Variants in NPHP4 observed in about 807,000 individuals in gnomAD.
NPHP4 encodes nephrocystin-4.
In NPHP4, 151 loss-of-function variants were observed where a neutral mutation model predicts 155.8. That is an observed-to-expected ratio of 0.97 (90% CI 0.85 to 1.11). The LOEUF (loss-of-function observed/expected upper bound fraction) is 1.11. NPHP4 is among the 50% of genes least tolerant of loss of function. The pLI is 0.00. For synonymous variants in NPHP4, 845 were observed against 816.8 expected (o/e 1.03, Z -0.59); for missense variants, 1,956 against 1,925.7 (o/e 1.02, Z -0.29).
chr1:5,864,450 G>A lies in NPHP4; in HGVS notation c.3884C>T (p.Pro1295Leu). Residue 1295 changes from proline (P) to leucine (L), a missense_variant, in exon 28 of 30, where the codon CCC (proline) becomes CTC (leucine). Coordinates refer to ENST00000378156, the MANE Select transcript of NPHP4 (RefSeq NM_015102.5). ...GACAAAGCGGCTGCCGGCCCTAAGG[G>A]GCCTCACGCCAACATGCAGGTCCTG... is the stretch of plus-strand genomic sequence containing the variant. ...GVQDLHVGVR[P>L]LRAGSRFVHL... 1 of 1,606,502 alleles carries A rather than the reference G, an allele frequency of 6.2e-7. No homozygotes were observed. The highest frequency in any genetic ancestry group is 8.5e-7 in the Non-Finnish European group (1 of 1,176,964).
chr1:5,919,308 C>CT (rs1045871057), intron 11 of NPHP4, among the ~76,000 whole-genome samples: 32 of 152,116 alleles, frequency 2.1e-4, no homozygotes, highest in African/African-American at 7.5e-4. Flanking sequence ...TTTTTTAATA[C>CT]TTTTTTTGAA....
chr1:5,955,427 C>A (rs1449934957), intron 6 of NPHP4, among the ~76,000 whole-genome samples: 1 of 152,226 alleles, frequency 6.6e-6, no homozygotes, highest in African/African-American at 2.4e-5. Context: ...AAAGAGATAT[C>A]GCCACTCCCA....
intron 6 of NPHP4, among the ~76,000 whole-genome samples, chr1:5,958,691 T>C (rs1314117752): frequency 2.3e-5 from 3 of 129,944 alleles, no homozygotes; most frequent in African/African-American, 9.0e-5. Flanking sequence ...CAAGACTGTC[T>C]CAAAAAAAAA....
intron 3 of NPHP4, among the ~76,000 whole-genome samples, chr1:5,971,580 A>G (rs1652575773): frequency 6.6e-6 from 1 of 152,210 alleles, no homozygotes; most frequent in Non-Finnish European, 1.5e-5. Flanking sequence ...ACTGCGAGCA[A>G]CAGAGCCACA....
At chr1:5,926,465 AT>A (rs1031313418) in intron 11 of NPHP4, among the ~76,000 whole-genome samples, 13 of 151,766 alleles carry the variant, frequency 8.6e-5, no homozygotes, top group Admixed American at 2.6e-4. Flanking sequence ...GGCTGAAAAT[AT>A]TTTTTTTTAA....
chr1:5,891,578 G>A (rs187562255), intron 16 of NPHP4, among the ~76,000 whole-genome samples: 6 of 152,344 alleles, frequency 3.9e-5, no homozygotes, highest in East Asian at 3.9e-4. Context: ...ACTGGACTGC[G>A]GCCCCTGCCT....
At chr1:5,991,422 C>T (rs1442113700) in intron 1 of NPHP4, 1 of 152,290 alleles carries the variant, frequency 6.6e-6, no homozygotes, top group South Asian at 2.1e-4. Flanking sequence ...AGAAATACTC[C>T]TCCTTTTGCC....
chr1:5,958,190 T>C (rs146217079), intron 6 of NPHP4, among the ~76,000 whole-genome samples: 98 of 152,332 alleles, frequency 6.4e-4, no homozygotes, highest in South Asian at 3.9e-3. Context: ...CTTTAGCATA[T>C]TGTATAAAAG....
At chr1:5,895,271 A>G (rs1469129594) in intron 16 of NPHP4, among the ~76,000 whole-genome samples, 2 of 152,122 alleles carry the variant, frequency 1.3e-5, no homozygotes, top group African/African-American at 4.8e-5. Flanking sequence ...AACATGGCAC[A>G]TGTATACAAA....
rs1260179058 is a variant in NPHP4, at chr1:5,882,568, C to G, written c.2486-2329G>C. On this transcript the variant is annotated intron_variant, in intron 18 of 29. Coordinates refer to ENST00000378156, the MANE Select transcript of NPHP4 (RefSeq NM_015102.5). The surrounding 1 kb of genome is among the most constrained non-coding windows in gnomAD (Gnocchi z 5.1). ...CTACATCCCCATAAAGACGCAGCCT[C>G]CATGTCGCCCACATGCCCTACACTG... 1 of 153,118 alleles carries G rather than the reference C, an allele frequency of 6.5e-6. No homozygotes were observed. Among genetic ancestry groups the G allele is most frequent in the East Asian group, 1.9e-4 (1 of 5,202 alleles). 9.5% of individuals were successfully genotyped at this position (153,118 alleles called of 1,614,324 possible).
chr1:5,981,712 C>G (rs933986076), intron 2 of NPHP4, among the ~76,000 whole-genome samples: 1 of 152,190 alleles, frequency 6.6e-6, no homozygotes, highest in Non-Finnish European at 1.5e-5. Flanking sequence ...TATATGAATT[C>G]TATTTATCTT....
At chr1:5,878,215 C>A (rs553613427) in intron 19 of NPHP4, among the ~76,000 whole-genome samples, 7 of 152,214 alleles carry the variant, frequency 4.6e-5, no homozygotes, top group South Asian at 2.1e-4. Flanking sequence ...GGCATGGGCA[C>A]CCCCTGCAGA....
intron 11 of NPHP4, among the ~76,000 whole-genome samples, chr1:5,917,465 A>G (rs1345201258): frequency 2.0e-5 from 3 of 152,122 alleles, no homozygotes; most frequent in Non-Finnish European, 4.4e-5. Flanking sequence ...TCTTAATGGC[A>G]TCCTTTGAGT....
In NPHP4 at chr1:5,880,109, C is replaced by T; in HGVS notation, c.2611+5G>A. 1 of 1,613,746 alleles carries T rather than the reference C, an allele frequency of 6.2e-7. No homozygotes were observed. Among genetic ancestry groups the T allele is most frequent in the South Asian group, 1.1e-5 (1 of 90,994 alleles). ...CCACACATGGGCCCAACAGTGTAAACTCACGCCTTGAGCTTCCAGTCGTGA... is the reference window on the plus strand; with the variant it reads ...CCACACATGGGCCCAACAGTGTAAATTCACGCCTTGAGCTTCCAGTCGTGA... On this transcript the variant is annotated splice_donor_5th_base_variant and intron_variant, in intron 19 of 29. Coordinates refer to ENST00000378156, the MANE Select transcript of NPHP4 (RefSeq NM_015102.5).
chr1:5,939,935 G>A (rs1209842811), intron 9 of NPHP4, among the ~76,000 whole-genome samples: 1 of 152,174 alleles, frequency 6.6e-6, no homozygotes, highest in East Asian at 1.9e-4. Context: ...ACAGAAGGAG[G>A]GAAGAGGACA....
rs202056619 is a variant in NPHP4 at position 5,879,813 on chromosome 1, G to T, written c.2611+301C>A. On this transcript the variant is annotated intron_variant, in intron 19 of 29. Coordinates refer to ENST00000378156, the MANE Select transcript of NPHP4 (RefSeq NM_015102.5). ...CACACACGCAAACACACACACACACGCAAACACACACACACACGCAAACAC... is the reference window on the plus strand; with the variant it reads ...CACACACGCAAACACACACACACACTCAAACACACACACACACGCAAACAC... 9.8e-5 allele frequency among the ~76,000 whole-genome samples: 8 copies of T among 81,596 alleles called. No homozygotes were observed. In the East Asian group the frequency reaches 4.4e-3, roughly 45 times the overall value. 53.5% of individuals were successfully genotyped at this position (81,596 alleles called of 152,430 possible).
chr1:5,959,230 T>C (rs1007625977), intron 6 of NPHP4, among the ~76,000 whole-genome samples: 4 of 152,162 alleles, frequency 2.6e-5, no homozygotes, highest in Non-Finnish European at 4.4e-5. Context: ...GTCATTAATT[T>C]TGCAATGTTC....
At chr1:5,887,857 T>G (rs1643902849) in intron 17 of NPHP4, among the ~76,000 whole-genome samples, 1 of 152,140 alleles carries the variant, frequency 6.6e-6, no homozygotes. Context: ...CAAGCGTGTC[T>G]GGGACAGCGA....
chr1:5,974,041 G>A (rs1393944857), intron 3 of NPHP4, among the ~76,000 whole-genome samples: 2 of 152,264 alleles, frequency 1.3e-5, no homozygotes, highest in Non-Finnish European at 1.5e-5. Context: ...CCAGAGCCAG[G>A]CCCAAGAATC....
Sources: gnomAD v4.1 joint callset for allele counts (sites outside exome capture counted in the v4.1 genomes callset) on GRCh38, gnomAD v4.1.1 for gene constraint, Gnocchi (gnomAD v3.1) non-coding constraint, MANE v1.5 for transcripts, NCBI Gene and HGNC (gene_info 2026-07-23, HGNC 2026-07-21) for gene names.